The following NRG2 variants were observed in gnomAD, a reference collection of about 807,000 sequenced individuals.
NRG2 encodes neuregulin 2.
Under a neutral mutation model 73.9 loss-of-function variants are expected in NRG2, and 27 were observed. The ratio of observed to expected loss-of-function variants is 0.37; its 90% CI spans 0.27 to 0.50. The LOEUF is 0.50. Ranked by LOEUF, NRG2 falls within the 20% of genes least tolerant of loss-of-function variation. The pLI, the probability that NRG2 is intolerant of heterozygous loss-of-function variation, is 0.96. For missense variants in NRG2, 1,126 were observed against 1,210.1 expected (o/e 0.93, Z 1.03); for synonymous variants, 532 against 541.0 (o/e 0.98, Z 0.23).
rs570621575 is a variant in NRG2 at position 139,994,254 on chromosome 5, A to G, written c.700+48116T>C. 2.0e-5 allele frequency among the ~76,000 whole-genome samples: 3 copies of G among 152,344 alleles called. No individual in the cohort carries two copies. In the East Asian group the frequency reaches 5.8e-4, roughly 29 times the overall value. The stretch of plus-strand genomic sequence containing the variant: ...AAAGAAATTGTTGTGGCTCATAAGA[A>G]GTTTGTTCTCATTTCATCTATTTAG... On this transcript the variant is annotated intron_variant, in intron 1 of 9. Coordinates refer to ENST00000361474, the MANE Select transcript of NRG2 (RefSeq NM_004883.3).
intron 1 of NRG2, among the ~76,000 whole-genome samples, chr5:139,946,451 C>T (rs1322649933): frequency 6.6e-6 from 1 of 152,038 alleles, no homozygotes; most frequent in Non-Finnish European, 1.5e-5. Flanking sequence ...ACCTACCTCA[C>T]ACTGTATACA....
chr5:139,855,856 C>T, intron 5 of NRG2, 78 bp from the exon 6 acceptor site: 1 of 1,153,296 alleles, frequency 8.7e-7, no homozygotes. Context: ...ACCCCTTTGC[C>T]CCCAAAGCCA....
intron 1 of NRG2, among the ~76,000 whole-genome samples, chr5:139,994,262 C>T (rs1245433079): frequency 6.6e-6 from 1 of 152,158 alleles, no homozygotes; most frequent in Non-Finnish European, 1.5e-5. Context: ...GAAGTTTGTT[C>T]TCATTTCATC....
intron 1 of NRG2, among the ~76,000 whole-genome samples, chr5:139,927,718 C>T (rs577456768): frequency 3.4e-5 from 5 of 147,350 alleles, no homozygotes; most frequent in South Asian, 2.2e-4. Context: ...GAGCCAAGAT[C>T]GCACTGTTGC....
chr5:139,893,492 G>C lies in NRG2; in HGVS notation c.701-5981C>G, dbSNP rs548866310. ...CACAAGAAAGGGGAGAAAGTTCCCA[G>C]CACTCTGCACCCATGGCCATTACTG... On this transcript the variant is annotated intron_variant, in intron 1 of 9. Transcript: ENST00000361474. 2.0e-5 allele frequency among the ~76,000 whole-genome samples: 3 copies of C among 152,306 alleles called. No individual in the cohort carries two copies. The East Asian group carries it at 5.8e-4, about 29-fold the overall frequency.
intron 1 of NRG2, among the ~76,000 whole-genome samples, chr5:140,029,187 T>G (rs762461243): frequency 1.3e-4 from 20 of 152,192 alleles, no homozygotes; most frequent in Non-Finnish European, 2.6e-4. Flanking sequence ...TGGGGTGTTT[T>G]GCCATACCAC....
chr5:140,042,869 C>A lies in NRG2; in HGVS notation c.201G>T (p.Pro67=), dbSNP rs1039218355. The A allele has an allele frequency of 3.3e-6, 5 of 1,507,748 alleles. No homozygotes were observed. The South Asian group carries it at 3.7e-5, about 11-fold the overall frequency. The allele number at this position is 1,507,748 out of a possible 1,614,324, so 93.4% of individuals were successfully genotyped here. A position where few individuals can be genotyped will look rare whatever the true frequency, so the allele number is the denominator to read the frequency against. Residue 67 remains proline (P), a synonymous_variant, in exon 1 of 10, where the codon CCG becomes CCT. Transcript: ENST00000361474. The part of the protein sequence containing the change: ...SRPAAPPEPR[P]QQQPQPRSPA... ...GGCTGCGGGGCTGCGGCTGTTGCTG[C>A]GGCCGCGGCTCTGGGGGCGCAGCGG...
intron 1 of NRG2, among the ~76,000 whole-genome samples, chr5:139,892,347 G>A (rs1581881061): frequency 6.6e-6 from 1 of 152,116 alleles, no homozygotes; most frequent in Admixed American, 6.6e-5. Context: ...ATAAGTTGGG[G>A]GATGACCTGA....
chr5:140,012,206 C>G (rs1417424621), intron 1 of NRG2, among the ~76,000 whole-genome samples: 1 of 130,244 alleles, frequency 7.7e-6, no homozygotes, highest in Non-Finnish European at 1.6e-5. Flanking sequence ...CAACTCAAAT[C>G]TCTTTCCTCC....
chr5:139,848,744 GC>G, intron 9 of NRG2, 47 bp from the exon 10 acceptor site: 1 of 1,241,556 alleles, frequency 8.1e-7, no homozygotes, highest in South Asian at 1.7e-5. Context: ...CCGGGCCGGC[GC>G]GGGGGAGGGG....
At chr5:139,940,647 T>C (rs1753322849) in intron 1 of NRG2, among the ~76,000 whole-genome samples, 1 of 152,194 alleles carries the variant, frequency 6.6e-6, no homozygotes, top group Non-Finnish European at 1.5e-5. Flanking sequence ...ATGTATACAG[T>C]ATACTATCAT....
intron 1 of NRG2, among the ~76,000 whole-genome samples, chr5:140,041,685 A>AAAG (rs1554125085): frequency 1.3e-5 from 2 of 150,208 alleles, no homozygotes; most frequent in Admixed American, 6.6e-5. Flanking sequence ...AAAAAAAAAA[A>AAAG]GGTGTCTGCT....
intron 1 of NRG2, among the ~76,000 whole-genome samples, chr5:139,971,046 C>T (rs1755930948): frequency 6.6e-6 from 1 of 152,106 alleles, no homozygotes; most frequent in East Asian, 1.9e-4. Context: ...TGGAGACTAT[C>T]CTGTTTGCTC....
chr5:139,886,366 C>T (rs1285407553), intron 2 of NRG2, among the ~76,000 whole-genome samples: 1 of 152,156 alleles, frequency 6.6e-6, no homozygotes, highest in Non-Finnish European at 1.5e-5. Flanking sequence ...CCAGCCCTGG[C>T]CTTCTACCAC....
chr5:139,853,082 A>C lies in NRG2; in HGVS notation c.1293-55T>G. ...CATTCCCCCCACTCGCCAACGATGA[A>C]CTTCCCTAGCTATCTCTCTAGGGAA... is the stretch of plus-strand genomic sequence containing the variant. On this transcript the variant is annotated intron_variant, in intron 6 of 9. Coordinates refer to ENST00000361474, the MANE Select transcript of NRG2 (RefSeq NM_004883.3). The surrounding 1 kb of genome is among the most constrained non-coding windows in gnomAD (Gnocchi z 4.1). The C allele has an allele frequency of 6.2e-7, 1 of 1,607,326 alleles. No homozygotes were observed. The highest frequency in any genetic ancestry group is 8.5e-7 in the Non-Finnish European group (1 of 1,177,180).
intron 1 of NRG2, among the ~76,000 whole-genome samples, chr5:139,940,102 T>C (rs1040906727): frequency 1.3e-5 from 2 of 152,204 alleles, no homozygotes; most frequent in African/African-American, 4.8e-5. Flanking sequence ...CCATGCTAGG[T>C]ATTCATCCAA....
chr5:139,871,876 TGA>T, intron 3 of NRG2, 35 bp from the exon 4 acceptor site: 1 of 1,608,978 alleles, frequency 6.2e-7, no homozygotes, highest in South Asian at 1.1e-5. Context: ...AGTGACGCAC[TGA>T]GACTATCCCT....
At chr5:140,027,259 C>T (rs1760769642) in intron 1 of NRG2, among the ~76,000 whole-genome samples, 2 of 152,236 alleles carry the variant, frequency 1.3e-5, no homozygotes, top group Non-Finnish European at 2.9e-5. Context: ...ACTGGGACTA[C>T]AGGCATGAGC....
chr5:139,850,070 C>T (rs1190592910), intron 9 of NRG2, among the ~76,000 whole-genome samples: 6 of 152,244 alleles, frequency 3.9e-5, no homozygotes, highest in Non-Finnish European at 5.9e-5. Flanking sequence ...AGTTGTTCCC[C>T]GTGCCTAGAA....
Sources: gnomAD v4.1 joint callset for allele counts (sites outside exome capture counted in the v4.1 genomes callset) on GRCh38, gnomAD v4.1.1 for gene constraint, Gnocchi (gnomAD v3.1) non-coding constraint, MANE v1.5 for transcripts, NCBI Gene and HGNC (gene_info 2026-07-23, HGNC 2026-07-21) for gene names.